DCDC2: variants seen among roughly 807,000 people sequenced by gnomAD.
DCDC2 encodes the protein doublecortin domain-containing protein 2.
A neutral mutation model predicts 50.2 loss-of-function variants in DCDC2; 40 were observed. That is an observed-to-expected ratio of 0.80 (90% CI 0.62 to 1.04). The LOEUF is 1.04. Ranked by LOEUF, DCDC2 falls within the 50% of genes least tolerant of loss-of-function variation. The probability of loss-of-function intolerance (pLI) is 0.00; values close to 1 mark genes in which losing one functional copy is unlikely to be tolerated. For synonymous variants in DCDC2, 234 were observed against 210.6 expected, an observed-to-expected ratio of 1.11 and a Z score of -0.96; for missense variants, 570 against 581.9, an observed-to-expected ratio of 0.98 and a Z score of 0.21.
chr6:24,339,056 C>T (rs961340053), intron 2 of DCDC2, among the ~76,000 whole-genome samples: 7 of 152,164 alleles, frequency 4.6e-5, no homozygotes, highest in African/African-American at 1.7e-4. Context: ...AACCTTCTAT[C>T]CCAACCTCTT....
At chr6:24,185,688 T>TACACATAC (rs1554143073) in intron 8 of DCDC2, among the ~76,000 whole-genome samples, 1 of 144,400 alleles carries the variant, frequency 6.9e-6, no homozygotes, top group Non-Finnish European at 1.5e-5. Flanking sequence ...TCCATACACA[T>TACACATAC]ACACACACAC....
chr6:24,204,903 T>C, intron 8 of DCDC2, 99 bp downstream of exon 8: 1 of 1,119,090 alleles, frequency 8.9e-7, no homozygotes, highest in Non-Finnish European at 1.3e-6. Flanking sequence ...GAGGGTTTAA[T>C]TCATACAGGT....
At chr6:24,182,245 G>A (rs938354577) in intron 8 of DCDC2, among the ~76,000 whole-genome samples, 12 of 152,084 alleles carry the variant, frequency 7.9e-5, no homozygotes, top group African/African-American at 2.9e-4. Context: ...TTTTGGCATT[G>A]GACTTGGTGG....
Position 24,251,872 on chromosome 6 carries a change from T to C in DCDC2, c.922+26177A>G, listed in dbSNP as rs367796921. Among the ~76,000 whole-genome samples the C allele has an allele frequency of 2.1e-4, 32 of 152,306 alleles. 1 individual carries two copies. The South Asian group carries it at 3.5e-3, about 17-fold the overall frequency. On this transcript the variant is annotated intron_variant, in intron 7 of 9. Transcript: ENST00000378454. ...ATTCTGTATACAACCATCAGATAAT[T>C]TTCCCAAAAATGTTACATTCACCAC... is the stretch of plus-strand genomic sequence containing the variant.
At chr6:24,341,031 C>G (rs1760145728) in intron 2 of DCDC2, among the ~76,000 whole-genome samples, 1 of 152,104 alleles carries the variant, frequency 6.6e-6, no homozygotes, top group African/African-American at 2.4e-5. Flanking sequence ...TGGCCATTAT[C>G]TAAAAATTTC....
chr6:24,295,536 C>G (rs1763842450), intron 4 of DCDC2, among the ~76,000 whole-genome samples: 1 of 152,150 alleles, frequency 6.6e-6, no homozygotes, highest in Admixed American at 6.5e-5. Context: ...CAAACTATCC[C>G]TGTTTGCAGA....
intron 6 of DCDC2, among the ~76,000 whole-genome samples, chr6:24,281,877 GTAT>G (rs1487408680): frequency 2.0e-5 from 3 of 152,132 alleles, no homozygotes; most frequent in African/African-American, 4.8e-5. Context: ...TTATAGATAA[GTAT>G]TATTATCACC....
intron 2 of DCDC2, among the ~76,000 whole-genome samples, chr6:24,316,751 G>A (rs981731268): frequency 6.6e-6 from 1 of 151,958 alleles, no homozygotes; most frequent in Non-Finnish European, 1.5e-5. Context: ...GTGGAAAAAA[G>A]CTATATACTT....
intron 7 of DCDC2, among the ~76,000 whole-genome samples, chr6:24,249,187 T>C (rs1762746958): frequency 6.6e-6 from 1 of 152,132 alleles, no homozygotes; most frequent in Admixed American, 6.5e-5. Context: ...AGGCTCTGCT[T>C]TATAATTCTA....
chr6:24,191,377 A>G (rs1029567893), intron 8 of DCDC2, among the ~76,000 whole-genome samples: 3 of 152,180 alleles, frequency 2.0e-5, no homozygotes, highest in African/African-American at 7.2e-5. Flanking sequence ...TTTTAAACCT[A>G]TTTCTGGTTA....
upstream of DCDC2, among the ~76,000 whole-genome samples, chr6:24,362,372 A>ATAT (rs1289890139): frequency 0.24 from 33,328 of 139,074 alleles, 14,938 homozygotes; most frequent in East Asian, 0.39. Flanking sequence ...ATTTAATTGT[A>ATAT]TGTTTATACA....
chr6:24,270,368 T>TC (rs1763212112), intron 7 of DCDC2, among the ~76,000 whole-genome samples: 1 of 152,312 alleles, frequency 6.6e-6, no homozygotes, highest in East Asian at 1.9e-4. Context: ...ATCAAGATGT[T>TC]CTAAAGCATG....
At chr6:24,297,440 A>C (rs1168739533) in intron 4 of DCDC2, among the ~76,000 whole-genome samples, 1 of 152,238 alleles carries the variant, frequency 6.6e-6, no homozygotes, top group Non-Finnish European at 1.5e-5. Context: ...ACTAACCTGC[A>C]CATGTACCCG....
the DCDC2 span, among the ~76,000 whole-genome samples, chr6:24,371,284 AAAAAAAAAAG>A: frequency 3.6e-5 from 5 of 138,234 alleles, no homozygotes; most frequent in Non-Finnish European, 6.3e-5. Flanking sequence ...CTCAAAAAAA[AAAAAAAAAAG>A]AAAAGAAAAG....
At chr6:24,317,111 A>G (rs1759685873) in intron 2 of DCDC2, among the ~76,000 whole-genome samples, 1 of 152,074 alleles carries the variant, frequency 6.6e-6, no homozygotes, top group African/African-American at 2.4e-5. Flanking sequence ...AGATGTATGT[A>G]TGGAGAAAAA....
At chr6:24,232,406 T>G (rs762656163) in intron 7 of DCDC2, among the ~76,000 whole-genome samples, 1 of 152,216 alleles carries the variant, frequency 6.6e-6, no homozygotes, top group Non-Finnish European at 1.5e-5. Context: ...ACTTGCAAGT[T>G]CGCAAAGTCA....
At chr6:24,295,192 C>G (rs1013294769) in intron 4 of DCDC2, among the ~76,000 whole-genome samples, 5 of 152,152 alleles carry the variant, frequency 3.3e-5, no homozygotes, top group African/African-American at 9.7e-5. Flanking sequence ...AAACGTGATT[C>G]ACCACATAAA....
intron 7 of DCDC2, among the ~76,000 whole-genome samples, chr6:24,237,397 G>C (rs752560960): frequency 6.6e-6 from 1 of 152,006 alleles, no homozygotes; most frequent in Non-Finnish European, 1.5e-5. Flanking sequence ...AAAATAAATT[G>C]CAAAAACAAA....
intron 2 of DCDC2, among the ~76,000 whole-genome samples, chr6:24,348,085 G>A (rs1760300839): frequency 6.6e-6 from 1 of 152,182 alleles, no homozygotes; most frequent in Admixed American, 6.5e-5. Context: ...AAGTCTAACA[G>A]GAACAAGCCT....
Sources: allele counts gnomAD v4.1 joint callset (sites outside exome capture counted in the v4.1 genomes callset), GRCh38; gene constraint gnomAD v4.1.1; transcripts MANE v1.5; gene names NCBI Gene and HGNC (gene_info 2026-07-23, HGNC 2026-07-21).